Variants in F13B observed in about 807,000 individuals in gnomAD.
F13B encodes coagulation factor XIII B chain.
A neutral mutation model predicts 79.8 loss-of-function variants in F13B; 58 were observed. That is an observed-to-expected ratio of 0.73 (90% CI 0.59 to 0.90). The LOEUF (loss-of-function observed/expected upper bound fraction) is 0.90, where lower values mean the gene tolerates loss of function less well. Among genes scored for constraint, F13B ranks in the 40% least tolerant of loss-of-function variants. The pLI, the probability that F13B is intolerant of heterozygous loss-of-function variation, is 0.00. For synonymous variants in F13B, 283 were observed against 260.3 expected (o/e 1.09, Z -0.84); for missense variants, 773 against 777.0 (o/e 0.99, Z 0.06).
Position 197,050,854 on chromosome 1 carries a change from A to G in F13B, c.1581T>C (p.Pro527=), listed in dbSNP as rs1032868091. ...RKESKGMCTS[P]PLIKHGVIIS... ...TAATGACTCCATGTTTAATAAGAGG[A>G]GGAGATGTGCACATTCCTTTAGATT... is the stretch of plus-strand genomic sequence containing the variant. Residue 527 remains proline (P), a synonymous_variant, in exon 10 of 12, where the codon CCT becomes CCC. Transcript: ENST00000367412. The G allele has an allele frequency of 3.7e-6, 6 of 1,613,038 alleles. No homozygotes were observed. Among genetic ancestry groups the G allele is most frequent in the Admixed American group, 3.3e-5 (2 of 59,844 alleles).
At chr1:197,044,012 T>A (rs911957686) in intron 10 of F13B, among the ~76,000 whole-genome samples, 6 of 151,924 alleles carry the variant, frequency 3.9e-5, no homozygotes, top group African/African-American at 1.4e-4. Context: ...AGACCGGAGC[T>A]GTTCCTATTC....
In F13B at chr1:197,038,900, G is replaced by A. The variant is rs1020268220; in HGVS notation, c.*478C>T. Among the ~76,000 whole-genome samples, 1 of 151,958 alleles carries A rather than the reference G, an allele frequency of 6.6e-6. No individual in the cohort carries two copies. The highest frequency in any genetic ancestry group is 2.4e-5 in the African/African-American group (1 of 41,388). On this transcript the variant is annotated 3_prime_UTR_variant, in exon 12 of 12. Transcript: ENST00000367412. ...TTTTTACATTTAGAAAGTCTGAAGG[G>A]CAGTCTCTTCTGCCTTTAATAAGGC...
At chr1:197,050,273 T>G (rs542295138) in intron 10 of F13B, among the ~76,000 whole-genome samples, 1 of 152,304 alleles carries the variant, frequency 6.6e-6, no homozygotes, top group East Asian at 1.9e-4. Context: ...GTTGTTACTC[T>G]TACTAGGATG....
At position 197,067,194 on chromosome 1, in the gene F13B, G is replaced by A. The variant is rs1656090455; in HGVS notation, c.30C>T (p.Ile10=). MRLKNLTFI[I]ILIISGELYA... is the part of the protein sequence containing the mutation. Reference sequence around the variant, plus strand: ...AGAGTTCTCCTGAGATTATCAATATGATGATAAAAGTCAGGTTTTTCAACC... The same window carrying A: ...AGAGTTCTCCTGAGATTATCAATATAATGATAAAAGTCAGGTTTTTCAACC... Residue 10 remains isoleucine, a synonymous_variant, in exon 1 of 12, where the codon ATC becomes ATT. Transcript: ENST00000367412. 3 of 1,608,498 alleles carry A rather than the reference G, an allele frequency of 1.9e-6. No homozygotes were observed. The highest frequency in any genetic ancestry group is 2.2e-5 in the East Asian group (1 of 44,646).
intron 10 of F13B, among the ~76,000 whole-genome samples, chr1:197,045,511 ATAAT>A (rs1655196615): frequency 6.6e-6 from 1 of 152,212 alleles, no homozygotes; most frequent in East Asian, 1.9e-4. Flanking sequence ...AATTGAGGCA[ATAAT>A]TAATAGCCTA....
chr1:197,052,718 C>G lies in F13B; in HGVS notation c.1471G>C (p.Asp491His). The G allele has an allele frequency of 6.2e-7, 1 of 1,611,936 alleles. No homozygotes were observed. The highest frequency in any genetic ancestry group is 8.5e-7 in the Non-Finnish European group (1 of 1,178,746). Residue 491 changes from aspartate (D) to histidine (H), a missense_variant, in exon 9 of 12, where the codon GAC becomes CAC. Asp to His is a moderately conservative substitution (Grantham distance 81). Transcript: ENST00000367412. The stretch of plus-strand genomic sequence containing the variant: ...GACAATGGGGTTAATGGAGATAAGT[C>G]ATATCCCTGTTTACATACAAAATCT... ...LIDFVCKQGY[D>H]LSPLTPLSEL...
intron 5 of F13B, among the ~76,000 whole-genome samples, chr1:197,058,283 C>T (rs1020589755): frequency 1.3e-5 from 2 of 152,156 alleles, no homozygotes; most frequent in African/African-American, 2.4e-5. Context: ...CTTGAACCCA[C>T]GTCTGTCTAA....
At position 197,052,769 on chromosome 1, in the gene F13B, C is replaced by T; in HGVS notation, c.1420G>A (p.Gly474Arg). 2 of 1,611,000 alleles carry T rather than the reference C, an allele frequency of 1.2e-6. No homozygotes were observed. Among genetic ancestry groups the T allele is most frequent in the Non-Finnish European group, 1.7e-6 (2 of 1,178,600 alleles). Residue 474 changes from glycine to arginine, a missense_variant, in exon 9 of 12, where the codon GGG (glycine) becomes AGG (arginine). Coordinates refer to ENST00000367412, the MANE Select transcript of F13B (RefSeq NM_001994.3). Reference sequence around the variant, plus strand: ...ATTAAATCTCCATGTAAGACTTTCCCTTCATATTTCCACTTCATTTCTATG... The same window carrying T: ...ATTAAATCTCCATGTAAGACTTTCCTTTCATATTTCCACTTCATTTCTATG... Reference protein sequence around the residue: ...NNIEMKWKYEGKVLHGDLIDF... With the variant: ...NNIEMKWKYERKVLHGDLIDF...
At chr1:197,056,883 G>T in intron 7 of F13B, 130 bp downstream of exon 7, 1 of 813,276 alleles carries the variant, frequency 1.2e-6, no homozygotes, top group Non-Finnish European at 2.0e-6. Flanking sequence ...CAGAAGAGTA[G>T]GTGCTGTAGC....
chr1:197,055,972 C>T lies in F13B; in HGVS notation c.1172-75G>A, dbSNP rs372931236. 66 of 1,202,386 alleles carry T rather than the reference C, an allele frequency of 5.5e-5. No individual in the cohort carries two copies. In the Middle Eastern group the frequency reaches 8.5e-4, roughly 15 times the overall value. The allele number at this position is 1,202,386 out of a possible 1,614,324, so 74.5% of individuals were successfully genotyped here. ...TATAGTAACTCATACTATAGTGTCT[C>T]GATATTTGTATTATATAATTTAGGA... On this transcript the variant is annotated intron_variant, in intron 7 of 11. Transcript: ENST00000367412.
chr1:197,060,522 T>C lies in F13B; in HGVS notation c.649A>G (p.Arg217Gly). The stretch of plus-strand genomic sequence containing the variant: ...TGAAAATAACCATTTTCAATTAATC[T>C]TAAAGAAGAGCACTTTAATTCTGCA... Reference protein sequence around the residue: ...KCTKLKCSSLRLIENGYFHPV... With the variant: ...KCTKLKCSSLGLIENGYFHPV... Residue 217 changes from arginine (R) to glycine (G), a missense_variant, in exon 5 of 12, where the codon AGA (arginine) becomes GGA (glycine). Coordinates refer to ENST00000367412, the MANE Select transcript of F13B (RefSeq NM_001994.3). The C allele has an allele frequency of 1.3e-6, 2 of 1,594,158 alleles. No homozygotes were observed. Among genetic ancestry groups the C allele is most frequent in the Non-Finnish European group, 1.7e-6 (2 of 1,167,934 alleles).
intron 8 of F13B, among the ~76,000 whole-genome samples, chr1:197,054,953 T>C (rs958291233): frequency 2.0e-5 from 3 of 152,064 alleles, no homozygotes; most frequent in Admixed American, 1.3e-4. Flanking sequence ...AAGTGTACTG[T>C]TTGGAATATA....
chr1:197,065,214 T>G (rs1209660295), intron 1 of F13B, among the ~76,000 whole-genome samples: 1 of 152,182 alleles, frequency 6.6e-6, no homozygotes, highest in African/African-American at 2.4e-5. Context: ...CAAAGTATTC[T>G]CTGCACAACA....
rs1207850778 is a variant in F13B, at chr1:197,060,879, T to C, written c.628+20A>G. 1.9e-6 allele frequency: 3 copies of C among 1,608,890 alleles called. No homozygotes were observed. Among genetic ancestry groups the C allele is most frequent in the Middle Eastern group, 3.3e-4 (2 of 6,038 alleles). ...AAGCTTTCAGAGTGAGAGTAGATTT[T>C]ATTCCAAATGAGAACCTACTGGTAC... On this transcript the variant is annotated intron_variant, in intron 4 of 11. Coordinates refer to ENST00000367412, the MANE Select transcript of F13B (RefSeq NM_001994.3).
intron 11 of F13B, chr1:197,040,169 A>G: frequency 9.2e-6 from 2 of 218,574 alleles, no homozygotes; most frequent in Non-Finnish European, 1.8e-5. Context: ...TAGTGCTTGA[A>G]CTTATATTGA....
In F13B at chr1:197,060,521, C is replaced by T. The variant is rs375546267; in HGVS notation, c.650G>A (p.Arg217Lys). The T allele has an allele frequency of 2.2e-5, 35 of 1,594,348 alleles. No homozygotes were observed. In the African/African-American group the frequency reaches 4.2e-4, roughly 19 times the overall value. Residue 217 changes from arginine to lysine, a missense_variant, in exon 5 of 12, where the codon AGA becomes AAA. Coordinates refer to ENST00000367412, the MANE Select transcript of F13B (RefSeq NM_001994.3). ...ATGAAAATAACCATTTTCAATTAAT[C>T]TTAAAGAAGAGCACTTTAATTCTGC... The part of the protein sequence containing the change: ...KCTKLKCSSL[R>K]LIENGYFHPV...
At chr1:197,056,125 T>C (rs1655632725) in intron 7 of F13B, among the ~76,000 whole-genome samples, 1 of 152,146 alleles carries the variant, frequency 6.6e-6, no homozygotes, top group Non-Finnish European at 1.5e-5. Flanking sequence ...TTCTCTTTTC[T>C]CAATTGTGAA....
chr1:197,060,683 A>C, intron 4 of F13B, 141 bp from the exon 5 acceptor site: 3 of 732,718 alleles, frequency 4.1e-6, no homozygotes, highest in Non-Finnish European at 6.7e-6. Context: ...TATTTGTTAA[A>C]TATCATTAGG....
rs1199503607 is a variant in F13B at position 197,043,640 on chromosome 1, A to G, written c.1739-2905T>C. Among the ~76,000 whole-genome samples the G allele has an allele frequency of 2.0e-5, 3 of 152,212 alleles. 1 individual carries two copies. In the South Asian group the frequency reaches 6.2e-4, roughly 31 times the overall value. ...ATAACTGAAATTGAGAACTCAAAAG[A>G]TGAGTTTAAAGCAGATTGGATACAT... On this transcript the variant is annotated intron_variant, in intron 10 of 11. Coordinates refer to ENST00000367412, the MANE Select transcript of F13B (RefSeq NM_001994.3).
Sources: allele counts gnomAD v4.1 joint callset (sites outside exome capture counted in the v4.1 genomes callset), GRCh38; gene constraint gnomAD v4.1.1; transcripts MANE v1.5; gene names NCBI Gene and HGNC (gene_info 2026-07-23, HGNC 2026-07-21).